The following HTT variants were observed in gnomAD, a reference collection of about 807,000 sequenced individuals.
HTT encodes huntingtin.
A neutral mutation model predicts 362.3 loss-of-function variants in HTT; 104 were observed. The observed-to-expected ratio is 0.29, with a 90% CI of 0.24 to 0.34. HTT has a LOEUF of 0.34. HTT is among the 10% of genes least tolerant of loss of function. The pLI is 1.00. For synonymous variants in HTT, 1,577 were observed against 1,548.7 expected, an observed-to-expected ratio of 1.02 and a Z score of -0.43; for missense variants, 3,301 against 3,928.6, an observed-to-expected ratio of 0.84 and a Z score of 4.27.
intron 26 of HTT, among the ~76,000 whole-genome samples, chr4:3,151,456 C>G (rs1193279370): frequency 6.6e-6 from 1 of 152,028 alleles, no homozygotes; most frequent in African/African-American, 2.4e-5. Context: ...CACAAAGGAG[C>G]ACCAGGGGGA....
At chr4:3,102,296 C>T (rs1382794497) in intron 3 of HTT, among the ~76,000 whole-genome samples, 1 of 152,162 alleles carries the variant, frequency 6.6e-6, no homozygotes, top group African/African-American at 2.4e-5. Flanking sequence ...CAGCGACTGG[C>T]GTAGATTGTG....
intron 28 of HTT, among the ~76,000 whole-genome samples, chr4:3,159,990 A>C (rs1717357924): frequency 6.6e-6 from 1 of 152,206 alleles, no homozygotes; most frequent in Non-Finnish European, 1.5e-5. Flanking sequence ...ATGGACATTT[A>C]ACCCTTTTTT....
intron 1 of HTT, among the ~76,000 whole-genome samples, chr4:3,086,076 A>T (rs2110141141): frequency 6.6e-6 from 1 of 152,338 alleles, no homozygotes; most frequent in East Asian, 1.9e-4. Flanking sequence ...GTATATATAG[A>T]GTAGGTATTA....
intron 1 of HTT, among the ~76,000 whole-genome samples, chr4:3,084,427 G>C (rs993700983): frequency 6.6e-6 from 1 of 152,132 alleles, no homozygotes; most frequent in South Asian, 2.1e-4. Context: ...GGTGGCTCAT[G>C]CCTGTAATCC....
At chr4:3,103,735 C>G in intron 3 of HTT, 89 bp from the exon 4 acceptor site, 1 of 782,500 alleles carries the variant, frequency 1.3e-6, no homozygotes, top group Non-Finnish European at 2.2e-6. Context: ...TTTGCTTTGC[C>G]CCAAAATTGA....
At chr4:3,225,569 T>G (rs977903043) in intron 56 of HTT, 92 bp from the exon 57 acceptor site, 9 of 1,130,908 alleles carry the variant, frequency 8.0e-6, no homozygotes, top group South Asian at 2.9e-5. Flanking sequence ...CACGGCTGGG[T>G]GCCTGTCTGG....
chr4:3,141,744 C>T (rs1194707819), intron 22 of HTT, among the ~76,000 whole-genome samples: 2 of 152,188 alleles, frequency 1.3e-5, no homozygotes, highest in Non-Finnish European at 1.5e-5. Context: ...GCTTGGGCTA[C>T]AGAGTGAGAC....
Position 3,214,063 on chromosome 4 carries a change from G to T in HTT, c.6880G>T (p.Val2294Leu). The T allele has an allele frequency of 1.9e-6, 3 of 1,608,936 alleles. No individual in the cohort carries two copies. The highest frequency in any genetic ancestry group is 2.5e-6 in the Non-Finnish European group (3 of 1,177,410). ...LALQLPGLWS[V>L]VSSTEFVTHA... is the part of the protein sequence containing the mutation. ...CCTGCAGCTGCCTGGCCTCTGGAGC[G>T]TGGTCTCCTCCACAGAGTTTGTGAC... is the stretch of plus-strand genomic sequence containing the variant. The change falls in exon 50 of 67, where the codon GTG becomes TTG. Residue 2294 changes from valine to leucine, a missense_variant. Around this residue, in one of 4 missense-constraint regions of HTT, gnomAD observed 220 missense variants for 218.5 expected, o/e 1.01. Coordinates refer to ENST00000355072, the MANE Select transcript of HTT (RefSeq NM_001388492.1).
intron 1 of HTT, among the ~76,000 whole-genome samples, chr4:3,079,154 C>T (rs1309589317): frequency 6.6e-6 from 1 of 152,074 alleles, no homozygotes; most frequent in Non-Finnish European, 1.5e-5. Flanking sequence ...CCTTGGCCTC[C>T]CAAAGTGCTA....
chr4:3,149,199 A>G (rs1220840547), intron 26 of HTT, among the ~76,000 whole-genome samples: 4 of 152,132 alleles, frequency 2.6e-5, no homozygotes, highest in Admixed American at 2.0e-4. Flanking sequence ...TGCCAATCTC[A>G]GGGACAGTTT....
chr4:3,102,528 G>A (rs61792501), intron 3 of HTT, among the ~76,000 whole-genome samples: 10,167 of 152,278 alleles, frequency 0.067, 476 homozygotes, highest in African/African-American at 0.13. Context: ...GGATTTAAAC[G>A]TTTCTGAGAT....
chr4:3,214,981 T>C (rs939519249), intron 50 of HTT, 129 bp from the exon 51 acceptor site: 11 of 682,580 alleles, frequency 1.6e-5, no homozygotes, highest in Non-Finnish European at 2.7e-5. Flanking sequence ...TAAAATTGGT[T>C]CTAAGGAATC....
intron 12 of HTT, among the ~76,000 whole-genome samples, chr4:3,128,035 C>T (rs1393656390): frequency 1.3e-5 from 2 of 152,022 alleles, no homozygotes; most frequent in Non-Finnish European, 2.9e-5. Context: ...CAGGCTCGAG[C>T]GATTCTCCCG....
Position 3,127,463 on chromosome 4 carries a change from C to G in HTT, c.1602C>G (p.Ser534=). ...AGGAGGATATCTTGAGCCACAGCTCCAGCCAGGTCAGCGCCGTCCCATCTG... is the reference window on the plus strand; with the variant it reads ...AGGAGGATATCTTGAGCCACAGCTCGAGCCAGGTCAGCGCCGTCCCATCTG... ...GDEEDILSHS[S]SQVSAVPSDP... The change falls in exon 12 of 67, where the codon TCC becomes TCG. Residue 534 remains serine, a synonymous_variant. Transcript: ENST00000355072. The G allele has an allele frequency of 6.2e-7, 1 of 1,614,180 alleles. No individual in the cohort carries two copies. Among genetic ancestry groups the G allele is most frequent in the Non-Finnish European group, 8.5e-7 (1 of 1,180,034 alleles).
intron 15 of HTT, 74 bp from the exon 16 acceptor site, chr4:3,131,564 T>C: frequency 6.3e-7 from 1 of 1,582,948 alleles, no homozygotes; most frequent in Non-Finnish European, 8.6e-7. Flanking sequence ...AGGTAGGTTA[T>C]TGGGTCTGGT....
In HTT at chr4:3,206,819, A is replaced by G; in HGVS notation, c.5911A>G (p.Lys1971Glu). Residue 1971 changes from lysine (K) to glutamate (E), a missense_variant, in exon 44 of 67, where the codon AAG becomes GAG. Lys to Glu is a moderately conservative substitution (Grantham distance 56, BLOSUM62 1). Transcript: ENST00000355072. The surrounding 1 kb of genome is among the most constrained non-coding windows in gnomAD (Gnocchi z 4.6). ...TTCTTGCTGTTAGCCAACCATGCTG[A>G]AGAAAACTCTTCAGTGCTTGGAGGG... is the stretch of plus-strand genomic sequence containing the variant. ...CENLSTPTML[K>E]KTLQCLEGIH... 6.2e-7 allele frequency: 1 copy of G among 1,600,570 alleles called. No homozygotes were observed. Among genetic ancestry groups the G allele is most frequent in the Non-Finnish European group, 8.5e-7 (1 of 1,171,998 alleles).
intron 10 of HTT, among the ~76,000 whole-genome samples, chr4:3,124,806 G>A (rs560321228): frequency 2.4e-4 from 37 of 152,148 alleles, no homozygotes; most frequent in African/African-American, 8.2e-4. Context: ...GTAAGTTTAT[G>A]GAAGTTATCA....
At position 3,104,346 on chromosome 4, in the gene HTT, A is replaced by G. The variant is rs931706473; in HGVS notation, c.528+463A>G. The stretch of plus-strand genomic sequence containing the variant: ...TAAAACAGTCAGGGCACAGTGGCTC[A>G]TGCCTGTAATCCCAGCATTTTGGGA... On this transcript the variant is annotated intron_variant, in intron 4 of 66. Coordinates refer to ENST00000355072, the MANE Select transcript of HTT (RefSeq NM_001388492.1). Among the ~76,000 whole-genome samples the G allele has an allele frequency of 1.3e-3, 202 of 151,878 alleles. 1 individual carries two copies. The highest frequency in any genetic ancestry group is 4.6e-3 in the African/African-American group (191 of 41,482).
intron 41 of HTT, 49 bp downstream of exon 41, chr4:3,199,988 C>A: frequency 6.8e-7 from 1 of 1,477,800 alleles, no homozygotes; most frequent in Non-Finnish European, 9.3e-7. Context: ...AGCACCCTGT[C>A]CTGAGACTCC....
Sources: gnomAD v4.1 joint callset for allele counts (sites outside exome capture counted in the v4.1 genomes callset) on GRCh38, gnomAD v4.1.1 for gene constraint, gnomAD v4.1.1 regional missense constraint, Gnocchi (gnomAD v3.1) non-coding constraint, MANE v1.5 for transcripts, NCBI Gene and HGNC (gene_info 2026-07-23, HGNC 2026-07-21) for gene names.